PRDM16: variants seen among roughly 807,000 people sequenced by gnomAD.
The protein encoded by PRDM16 is PR/SET domain 16.
In PRDM16, 23 loss-of-function variants were observed where a neutral mutation model predicts 110.6. That is an observed-to-expected ratio of 0.21 (90% CI 0.15 to 0.29). The LOEUF is 0.29. Ranked by LOEUF, PRDM16 falls within the 10% of genes least tolerant of loss-of-function variation. The pLI is 1.00. For synonymous variants in PRDM16, 799 were observed against 781.8 expected (o/e 1.02, Z -0.37); for missense variants, 1,615 against 1,794.3 (o/e 0.90, Z 1.81).
chr1:3,317,323 A>G (rs554347694), intron 3 of PRDM16, among the ~76,000 whole-genome samples: 2 of 152,328 alleles, frequency 1.3e-5, no homozygotes, highest in South Asian at 2.1e-4. Context: ...GGGCAAGGAC[A>G]TTCCCAGCTG....
At chr1:3,414,032 C>T (rs978719479) in intron 9 of PRDM16, among the ~76,000 whole-genome samples, 3 of 152,322 alleles carry the variant, frequency 2.0e-5, no homozygotes, top group Non-Finnish European at 2.9e-5. Flanking sequence ...ACGGGCAGCA[C>T]ACCCCGTGCC....
rs1215332192 is a variant in PRDM16, at chr1:3,412,201, C to G, written c.2004C>G (p.Phe668Leu). Residue 668 changes from phenylalanine to leucine, a missense_variant, in exon 9 of 17, where the codon TTC becomes TTG. Physicochemically the swap from Phe to Leu is conservative, Grantham distance 22. This residue lies in a region of PRDM16 where 772 missense variants were observed against 748.3 expected (regional missense o/e 1.03). Coordinates refer to ENST00000270722, the MANE Select transcript of PRDM16 (RefSeq NM_022114.4). ...APNSVAEVPV[F>L]YSQHSFFPPP... ...ACAGCGTGGCCGAGGTGCCTGTCTT[C>G]TATTCCCAGCACTCATTCTTCCCGC... is the stretch of plus-strand genomic sequence containing the variant. The G allele has an allele frequency of 6.2e-7, 1 of 1,601,710 alleles. No individual in the cohort carries two copies. Among genetic ancestry groups the G allele is most frequent in the East Asian group, 2.2e-5 (1 of 44,534 alleles).
chr1:3,391,801 C>T (rs979487210), intron 4 of PRDM16, among the ~76,000 whole-genome samples: 2 of 152,164 alleles, frequency 1.3e-5, no homozygotes, highest in African/African-American at 2.4e-5. Context: ...CGGAGGAAGC[C>T]GGAAATTGAG....
At chr1:3,093,845 G>A (rs571460070) in intron 1 of PRDM16, among the ~76,000 whole-genome samples, 1 of 152,248 alleles carries the variant, frequency 6.6e-6, no homozygotes, top group African/African-American at 2.4e-5. Flanking sequence ...GAGGGGGAAC[G>A]TGCGGGGGTC....
intron 1 of PRDM16, among the ~76,000 whole-genome samples, chr1:3,115,849 C>T (rs1259332662): frequency 6.6e-6 from 1 of 152,214 alleles, no homozygotes; most frequent in Non-Finnish European, 1.5e-5. Context: ...TGGCTCTGCC[C>T]ACCTCTTCTC....
At chr1:3,176,741 CATCT>C (rs1309603679) in intron 1 of PRDM16, among the ~76,000 whole-genome samples, 2 of 150,442 alleles carry the variant, frequency 1.3e-5, no homozygotes, top group Admixed American at 6.6e-5. Context: ...TCCATCCATC[CATCT>C]ATTCTTCCAT....
intron 3 of PRDM16, among the ~76,000 whole-genome samples, chr1:3,338,834 T>C (rs1642213870): frequency 6.6e-6 from 1 of 152,184 alleles, no homozygotes; most frequent in Admixed American, 6.5e-5. Flanking sequence ...CGTCCTGTTT[T>C]CTTTGGAGCT....
At chr1:3,303,175 A>T (rs539292662) in intron 3 of PRDM16, among the ~76,000 whole-genome samples, 1 of 152,052 alleles carries the variant, frequency 6.6e-6, no homozygotes, top group South Asian at 2.1e-4. Context: ...ATCTTAGAGC[A>T]TTTCCATCCC....
intron 3 of PRDM16, among the ~76,000 whole-genome samples, chr1:3,280,228 G>C (rs1245189311): frequency 1.3e-5 from 2 of 152,196 alleles, no homozygotes. Context: ...AGCCGACTCT[G>C]TGTGTTCGTG....
intron 1 of PRDM16, among the ~76,000 whole-genome samples, chr1:3,184,522 C>T (rs868043528): frequency 2.0e-5 from 3 of 152,156 alleles, no homozygotes; most frequent in Admixed American, 2.0e-4. Context: ...GGAGCTCACC[C>T]CACCTCCTGT....
rs1638265350 is a variant in PRDM16 at position 3,190,210 on chromosome 1, G to A, written c.387+3736G>A. On this transcript the variant is annotated intron_variant, in intron 2 of 16. Coordinates refer to ENST00000270722, the MANE Select transcript of PRDM16 (RefSeq NM_022114.4). This position sits in a 1 kb window ranked among gnomAD's most constrained non-coding sequence, Gnocchi z 5.0. ...GGTCGTGGGGCAGCGTTACTTCAAG[G>A]TCGTGGGGCAGCCTTACTTCAAGGT... Among the ~76,000 whole-genome samples, 1 of 146,504 alleles carries A rather than the reference G, an allele frequency of 6.8e-6. No individual in the cohort carries two copies. Among genetic ancestry groups the A allele is most frequent in the Non-Finnish European group, 1.5e-5 (1 of 67,350 alleles).
At chr1:3,253,083 T>G (rs1467508260) in intron 3 of PRDM16, among the ~76,000 whole-genome samples, 3 of 152,120 alleles carry the variant, frequency 2.0e-5, no homozygotes, top group Non-Finnish European at 4.4e-5. Context: ...AGGCGCCACG[T>G]GCTCTGCAGC....
At chr1:3,404,440 C>T (rs2100645431) in intron 6 of PRDM16, among the ~76,000 whole-genome samples, 1 of 152,382 alleles carries the variant, frequency 6.6e-6, no homozygotes, top group Middle Eastern at 3.4e-3. Context: ...GAGAGGCACC[C>T]AGGGAGTGTG....
rs115431852 is a variant in PRDM16, at chr1:3,298,023, G to A, written c.438+53886G>A. On this transcript the variant is annotated intron_variant, in intron 3 of 16. Transcript: ENST00000270722. ...GGGAAGGCTCTGCAGGGAACAGCACGTCACCCAAGGTACACTAAGGAAGCT... is the reference window on the plus strand; with the variant it reads ...GGGAAGGCTCTGCAGGGAACAGCACATCACCCAAGGTACACTAAGGAAGCT... Among the ~76,000 whole-genome samples, 887 of 143,076 alleles carry A rather than the reference G, an allele frequency of 6.2e-3. 9 individuals are homozygous for A. The highest frequency in any genetic ancestry group is 0.024 in the African/African-American group (791 of 33,128). The allele number at this position is 143,076 out of a possible 152,430, so 93.9% of individuals were successfully genotyped here.
chr1:3,394,295 T>C (rs1449726934), intron 4 of PRDM16, among the ~76,000 whole-genome samples: 13 of 145,008 alleles, frequency 9.0e-5, no homozygotes, highest in African/African-American at 3.4e-4. Flanking sequence ...GGGGTTGGGG[T>C]GTGGATCCCG....
chr1:3,285,511 AGCAG>A (rs1640824932), intron 3 of PRDM16, among the ~76,000 whole-genome samples: 1 of 152,058 alleles, frequency 6.6e-6, no homozygotes, highest in Non-Finnish European at 1.5e-5. Flanking sequence ...CCTTCCTGGG[AGCAG>A]GCATGCTCCC....
chr1:3,303,028 T>G (rs959615748), intron 3 of PRDM16, among the ~76,000 whole-genome samples: 1 of 152,234 alleles, frequency 6.6e-6, no homozygotes, highest in Non-Finnish European at 1.5e-5. Context: ...TCAGTTTTAT[T>G]GATATATACA....
At position 3,244,085 on chromosome 1, in the gene PRDM16, A is replaced by G; in HGVS notation, c.388-2A>G. ...ACAACCCCTCTCAAAATTGTTTTGC[A>G]GCAAATACTGACGGACGTGGAAGTG... On this transcript the variant is annotated splice_acceptor_variant, in intron 2 of 16. Coordinates refer to ENST00000270722, the MANE Select transcript of PRDM16 (RefSeq NM_022114.4). LOFTEE classifies it high-confidence loss of function. The surrounding 1 kb of genome is among the most constrained non-coding windows in gnomAD (Gnocchi z 4.1). 3 of 1,613,982 alleles carry G rather than the reference A, an allele frequency of 1.9e-6. No individual in the cohort carries two copies. Among genetic ancestry groups the G allele is most frequent in the Non-Finnish European group, 2.5e-6 (3 of 1,179,962 alleles).
At chr1:3,293,871 G>A (rs1264609708) in intron 3 of PRDM16, among the ~76,000 whole-genome samples, 1 of 152,234 alleles carries the variant, frequency 6.6e-6, no homozygotes, top group East Asian at 1.9e-4. Context: ...GGCCCCGGCA[G>A]GTGTCTGAGG....
Sources: allele counts gnomAD v4.1 joint callset (sites outside exome capture counted in the v4.1 genomes callset), GRCh38; gene constraint gnomAD v4.1.1; regional missense constraint gnomAD v4.1.1; non-coding constraint Gnocchi (gnomAD v3.1); transcripts MANE v1.5; gene names NCBI Gene and HGNC (gene_info 2026-07-23, HGNC 2026-07-21).